The following ZDHHC14 variants were observed in gnomAD, a reference collection of about 807,000 sequenced individuals.
ZDHHC14 encodes the protein zDHHC palmitoyltransferase 14.
A neutral mutation model predicts 47.7 loss-of-function variants in ZDHHC14; 16 were observed. The observed-to-expected ratio is 0.34, with a 90% CI of 0.23 to 0.51. ZDHHC14 has a LOEUF of 0.51. ZDHHC14 is among the 20% of genes least tolerant of loss of function. The pLI, the probability that ZDHHC14 is intolerant of heterozygous loss-of-function variation, is 0.97. For synonymous variants in ZDHHC14, 293 were observed against 278.9 expected (o/e 1.05, Z -0.50); for missense variants, 515 against 662.5 (o/e 0.78, Z 2.44).
At chr6:157,414,750 T>C (rs1233182452) in intron 1 of ZDHHC14, among the ~76,000 whole-genome samples, 1 of 151,696 alleles carries the variant, frequency 6.6e-6, no homozygotes, top group Non-Finnish European at 1.5e-5. Flanking sequence ...TGTTTTTTCC[T>C]GACAGACTTA....
chr6:157,636,093 C>A (rs1409343307), intron 5 of ZDHHC14, among the ~76,000 whole-genome samples: 1 of 152,122 alleles, frequency 6.6e-6, no homozygotes. Context: ...AACCCAGACG[C>A]AGGCCACACC....
chr6:157,471,023 G>T (rs186265253), intron 1 of ZDHHC14, among the ~76,000 whole-genome samples: 1 of 152,198 alleles, frequency 6.6e-6, no homozygotes. Flanking sequence ...TGGGTTACCA[G>T]GTCAGTCTCT....
intron 3 of ZDHHC14, among the ~76,000 whole-genome samples, chr6:157,613,242 A>G (rs1784823354): frequency 6.6e-6 from 1 of 152,222 alleles, no homozygotes; most frequent in Non-Finnish European, 1.5e-5. Context: ...ACAGCAACTC[A>G]CAGTAGGAAA....
intron 1 of ZDHHC14, among the ~76,000 whole-genome samples, chr6:157,512,984 TCAC>T (rs1454589960): frequency 6.6e-6 from 1 of 152,174 alleles, no homozygotes; most frequent in African/African-American, 2.4e-5. Context: ...TGAAACAAAA[TCAC>T]CAATATTTGG....
Position 157,499,485 on chromosome 6 carries a change from CA to C in ZDHHC14, c.246-43099del, listed in dbSNP as rs567462339. Among the ~76,000 whole-genome samples, 369 of 151,748 alleles carry C rather than the reference CA, an allele frequency of 2.4e-3. 10 individuals carry two copies. Among genetic ancestry groups the C allele is most frequent in the African/African-American group, 8.5e-3 (352 of 41,394 alleles). On this transcript the variant is annotated intron_variant, in intron 1 of 8. Transcript: ENST00000359775. ...ACTTGTGTCACCTCTCAAAGCCCCC[CA>C]CCCCGATATCATCCCATTGGAAGTT...
chr6:157,479,067 C>T (rs1779556640), intron 1 of ZDHHC14, among the ~76,000 whole-genome samples: 2 of 152,170 alleles, frequency 1.3e-5, no homozygotes, highest in Admixed American at 6.5e-5. Context: ...CTCACTATCA[C>T]CCACCTGTCA....
intron 2 of ZDHHC14, among the ~76,000 whole-genome samples, chr6:157,585,424 A>C (rs908580705): frequency 9.9e-5 from 15 of 152,024 alleles, no homozygotes; most frequent in South Asian, 2.1e-4. Flanking sequence ...AAAAAAAAAA[A>C]AAAAAACCCA....
chr6:157,436,973 C>G (rs1383810925), intron 1 of ZDHHC14, among the ~76,000 whole-genome samples: 2 of 152,044 alleles, frequency 1.3e-5, no homozygotes, highest in East Asian at 1.9e-4. Flanking sequence ...GTGGAGGAGG[C>G]CTTCATCCAC....
intron 3 of ZDHHC14, among the ~76,000 whole-genome samples, chr6:157,598,530 A>G (rs746738731): frequency 3.3e-5 from 5 of 152,206 alleles, no homozygotes; most frequent in Non-Finnish European, 7.3e-5. Context: ...CTCAAGGCAG[A>G]CAGTATTGTA....
At chr6:157,458,468 A>T (rs1427346076) in intron 1 of ZDHHC14, among the ~76,000 whole-genome samples, 1 of 152,240 alleles carries the variant, frequency 6.6e-6, no homozygotes, top group East Asian at 1.9e-4. Flanking sequence ...GAAAAAATTA[A>T]TAATAAATAA....
At chr6:157,515,072 C>A (rs540407724) in intron 1 of ZDHHC14, among the ~76,000 whole-genome samples, 2 of 152,240 alleles carry the variant, frequency 1.3e-5, no homozygotes, top group South Asian at 4.1e-4. Context: ...CCAGCATGTC[C>A]TGGGCTGGGG....
intron 3 of ZDHHC14, among the ~76,000 whole-genome samples, chr6:157,608,814 G>C (rs770193742): frequency 1.3e-5 from 2 of 152,218 alleles, no homozygotes; most frequent in Non-Finnish European, 2.9e-5. Flanking sequence ...ATGGTGGCAC[G>C]ACAGAGCCAA....
chr6:157,450,431 C>T (rs1186387875), intron 1 of ZDHHC14, among the ~76,000 whole-genome samples: 2 of 150,216 alleles, frequency 1.3e-5, no homozygotes, highest in African/African-American at 4.9e-5. Context: ...AGGAGAATGG[C>T]GTGAACCCCG....
rs1782635040 is a variant in ZDHHC14, at chr6:157,559,781, CAG to C, written c.406+17044_406+17045del. Among the ~76,000 whole-genome samples the C allele has an allele frequency of 4.6e-5, 7 of 152,120 alleles. 1 individual carries two copies. ...GAAAGCTCTGAAACGTCTGGATTTA[CAG>C]AGAGAGAATTAGGAGCTGTCTTTCT... On this transcript the variant is annotated intron_variant, in intron 2 of 8. Coordinates refer to ENST00000359775, the MANE Select transcript of ZDHHC14 (RefSeq NM_024630.3).
chr6:157,556,351 C>T (rs559703881), intron 2 of ZDHHC14, among the ~76,000 whole-genome samples: 39 of 152,318 alleles, frequency 2.6e-4, no homozygotes, highest in African/African-American at 7.5e-4. Context: ...TCAGTCCTCT[C>T]GGCAGCCCTC....
rs1262922221 is a variant in ZDHHC14, at chr6:157,639,625, G to GCACTCC, written c.753-6112_753-6111insCACTCC. Among the ~76,000 whole-genome samples, 15 of 152,320 alleles carry GCACTCC rather than the reference G, an allele frequency of 9.8e-5. No individual in the cohort carries two copies. In the East Asian group the frequency reaches 2.3e-3, roughly 24 times the overall value. On this transcript the variant is annotated intron_variant, in intron 5 of 8. Transcript: ENST00000359775. ...CAAGAACATTTATCTTGCATCAGGG[G>GCACTCC]ACACAACAGAGTGGAACAGATGTTT...
intron 2 of ZDHHC14, among the ~76,000 whole-genome samples, chr6:157,590,842 T>C (rs1783880338): frequency 6.6e-6 from 1 of 152,174 alleles, no homozygotes; most frequent in African/African-American, 2.4e-5. Context: ...GTGAAAGCAG[T>C]TGGGAGGGGG....
At chr6:157,405,699 A>G (rs1300938607) in intron 1 of ZDHHC14, among the ~76,000 whole-genome samples, 2 of 152,332 alleles carry the variant, frequency 1.3e-5, no homozygotes, top group Non-Finnish European at 1.5e-5. Context: ...AAGCAACTGT[A>G]TTTTGAGCAA....
At chr6:157,396,702 A>C (rs180857893) in intron 1 of ZDHHC14, among the ~76,000 whole-genome samples, 1 of 152,322 alleles carries the variant, frequency 6.6e-6, no homozygotes, top group African/African-American at 2.4e-5. Flanking sequence ...CTATAAGCAA[A>C]TTTTGCACAG....
Sources: allele counts gnomAD v4.1 joint callset (sites outside exome capture counted in the v4.1 genomes callset), GRCh38; gene constraint gnomAD v4.1.1; transcripts MANE v1.5; gene names NCBI Gene and HGNC (gene_info 2026-07-23, HGNC 2026-07-21).